TMEM178B: variants seen among roughly 807,000 people sequenced by gnomAD.
TMEM178B encodes transmembrane protein 178B.
A neutral mutation model predicts 31.0 loss-of-function variants in TMEM178B; 5 were observed. That is an observed-to-expected ratio of 0.16 (90% CI 0.08 to 0.34). The LOEUF is 0.34. Ranked by LOEUF, TMEM178B falls within the 10% of genes least tolerant of loss-of-function variation. The pLI is 1.00. For synonymous variants in TMEM178B, 164 were observed against 164.0 expected (o/e 1.00, Z 0.00); for missense variants, 275 against 400.3 (o/e 0.69, Z 2.67).
chr7:141,479,139 G>C lies in TMEM178B; in HGVS notation c.*8353G>C, dbSNP rs1802429972. On this transcript the variant is annotated 3_prime_UTR_variant, in exon 4 of 4. Transcript: ENST00000565468. ...ATATTCTTCAGCTGCAGGAATGTCA[G>C]CTACTGCCTCCCACCCCTTAACCTG... 2 of 152,294 alleles carry C rather than the reference G, an allele frequency of 1.3e-5. No homozygotes were observed. Among genetic ancestry groups the C allele is most frequent in the Non-Finnish European group, 2.9e-5 (2 of 68,148 alleles). 9.4% of individuals were successfully genotyped at this position (152,294 alleles called of 1,614,324 possible).
chr7:141,347,012 G>A lies in TMEM178B; in HGVS notation c.497-90596G>A, dbSNP rs1371870497. 2.0e-5 allele frequency among the ~76,000 whole-genome samples: 3 copies of A among 152,186 alleles called. No homozygotes were observed. The South Asian group carries it at 6.2e-4, about 32-fold the overall frequency. ...CAAGATCTGATGGTTTAAGTGTGGTGCCTCCCCCTTGCTCTCTCTCTCCTG... is the reference window on the plus strand; with the variant it reads ...CAAGATCTGATGGTTTAAGTGTGGTACCTCCCCCTTGCTCTCTCTCTCCTG... On this transcript the variant is annotated intron_variant, in intron 2 of 3. Coordinates refer to ENST00000565468, the MANE Select transcript of TMEM178B (RefSeq NM_001195278.2).
At chr7:141,178,615 G>C (rs147823773) in intron 1 of TMEM178B, among the ~76,000 whole-genome samples, 1 of 152,156 alleles carries the variant, frequency 6.6e-6, no homozygotes, top group African/African-American at 2.4e-5. Flanking sequence ...AAAGTGATAC[G>C]TTGGTGATAC....
chr7:141,332,959 C>G (rs983885665), intron 2 of TMEM178B, among the ~76,000 whole-genome samples: 13 of 152,202 alleles, frequency 8.5e-5, no homozygotes, highest in Admixed American at 6.5e-5. Flanking sequence ...TTTGCTCACA[C>G]CAAGAGCGCT....
At chr7:141,362,745 A>T (rs1799936943) in intron 2 of TMEM178B, among the ~76,000 whole-genome samples, 1 of 152,188 alleles carries the variant, frequency 6.6e-6, no homozygotes, top group African/African-American at 2.4e-5. Flanking sequence ...TTGGGAAAGC[A>T]TCTGTGAGTT....
chr7:141,229,111 G>GTGTGTA (rs1797396791), intron 2 of TMEM178B, among the ~76,000 whole-genome samples: 4 of 145,356 alleles, frequency 2.8e-5, no homozygotes, highest in African/African-American at 1.1e-4. Context: ...GTGTGTGTGT[G>GTGTGTA]TGTGTGTGTG....
At position 141,171,551 on chromosome 7, in the gene TMEM178B, C is replaced by CA. The variant is rs1796349332; in HGVS notation, c.383-41039dup. Among the ~76,000 whole-genome samples the CA allele has an allele frequency of 6.6e-6, 1 of 152,116 alleles. No individual in the cohort carries two copies. Among genetic ancestry groups the CA allele is most frequent in the Non-Finnish European group, 1.5e-5 (1 of 68,024 alleles). ...TTCTGGGCTGTGGGTTGGCCAGACT[C>CA]ACGCCTATTATTTATTCTGAAGTGG... On this transcript the variant is annotated intron_variant, in intron 1 of 3. Coordinates refer to ENST00000565468, the MANE Select transcript of TMEM178B (RefSeq NM_001195278.2). This position sits in a 1 kb window ranked among gnomAD's most constrained non-coding sequence, Gnocchi z 4.3.
At chr7:141,409,867 A>G (rs187055214) in intron 2 of TMEM178B, among the ~76,000 whole-genome samples, 3 of 152,230 alleles carry the variant, frequency 2.0e-5, no homozygotes, top group Admixed American at 2.0e-4. Flanking sequence ...ATTAACACAA[A>G]GTGGGATTCC....
At chr7:141,383,299 A>G (rs939813705) in intron 2 of TMEM178B, among the ~76,000 whole-genome samples, 4 of 151,672 alleles carry the variant, frequency 2.6e-5, no homozygotes, top group Non-Finnish European at 4.4e-5. Context: ...TACATGTGCC[A>G]TGTTGGTGTG....
intron 1 of TMEM178B, among the ~76,000 whole-genome samples, chr7:141,199,768 T>C (rs931853812): frequency 6.6e-6 from 1 of 152,062 alleles, no homozygotes; most frequent in Admixed American, 6.6e-5. Flanking sequence ...AAAAATTTTT[T>C]TGGCAGGGCG....
chr7:141,244,006 G>A (rs141810285), intron 2 of TMEM178B, among the ~76,000 whole-genome samples: 1 of 152,150 alleles, frequency 6.6e-6, no homozygotes, highest in Non-Finnish European at 1.5e-5. Flanking sequence ...AGGCAAAACC[G>A]GGGCTGCGGA....
At chr7:141,373,772 T>C (rs1800161409) in intron 2 of TMEM178B, among the ~76,000 whole-genome samples, 1 of 152,204 alleles carries the variant, frequency 6.6e-6, no homozygotes, top group Admixed American at 6.5e-5. Context: ...GGCTTGGTTC[T>C]GAAGGGTGAG....
intron 2 of TMEM178B, among the ~76,000 whole-genome samples, chr7:141,264,192 C>T (rs1463395850): frequency 6.6e-6 from 1 of 152,224 alleles, no homozygotes; most frequent in Non-Finnish European, 1.5e-5. Context: ...CCAAAGCCCT[C>T]ACTGTGTCAC....
intron 2 of TMEM178B, among the ~76,000 whole-genome samples, chr7:141,286,768 T>C (rs1207802417): frequency 1.3e-5 from 2 of 152,184 alleles, no homozygotes; most frequent in Non-Finnish European, 2.9e-5. Flanking sequence ...GTTGTGTTGG[T>C]ATTTGGCTTG....
intron 3 of TMEM178B, among the ~76,000 whole-genome samples, chr7:141,459,564 T>A (rs1802025611): frequency 6.6e-6 from 1 of 152,150 alleles, no homozygotes. Context: ...GTGTGGATAA[T>A]CTCGTGCTAG....
chr7:141,242,905 C>G (rs541419773), intron 2 of TMEM178B, among the ~76,000 whole-genome samples: 1 of 152,160 alleles, frequency 6.6e-6, no homozygotes, highest in South Asian at 2.1e-4. Flanking sequence ...TCACTCCTGT[C>G]TCCTGTCTTT....
At chr7:141,175,685 G>T (rs1217914231) in intron 1 of TMEM178B, among the ~76,000 whole-genome samples, 1 of 152,166 alleles carries the variant, frequency 6.6e-6, no homozygotes. Context: ...CACATCCCTT[G>T]TAAGTTGGAT....
intron 2 of TMEM178B, among the ~76,000 whole-genome samples, chr7:141,309,946 A>G (rs1798879123): frequency 6.6e-6 from 1 of 152,240 alleles, no homozygotes; most frequent in Non-Finnish European, 1.5e-5. Context: ...AAGATGGATT[A>G]AAGACTTAAA....
intron 2 of TMEM178B, among the ~76,000 whole-genome samples, chr7:141,329,577 G>C (rs1799260193): frequency 6.6e-6 from 1 of 152,074 alleles, no homozygotes. Context: ...TTTGTTCTTG[G>C]TGTTTTTGTT....
intron 1 of TMEM178B, among the ~76,000 whole-genome samples, chr7:141,138,385 G>A (rs191417578): frequency 4.6e-5 from 7 of 152,094 alleles, no homozygotes; most frequent in Non-Finnish European, 1.0e-4. Context: ...TTAAGGGAGA[G>A]TCCTATGGGT....
Sources: gnomAD v4.1 joint callset for allele counts (sites outside exome capture counted in the v4.1 genomes callset) on GRCh38, gnomAD v4.1.1 for gene constraint, Gnocchi (gnomAD v3.1) non-coding constraint, MANE v1.5 for transcripts, NCBI Gene and HGNC (gene_info 2026-07-23, HGNC 2026-07-21) for gene names.